Variants in DPP10 observed in about 807,000 individuals in gnomAD.
DPP10 encodes the protein dipeptidyl peptidase like 10.
In DPP10, 33 loss-of-function variants were observed where a neutral mutation model predicts 120.9. The observed-to-expected ratio is 0.27, with a 90% confidence interval of 0.21 to 0.37. The LOEUF (loss-of-function observed/expected upper bound fraction) is 0.37, where lower values mean the gene tolerates loss of function less well. Ranked by LOEUF, DPP10 falls within the 10% of genes least tolerant of loss-of-function variation. The pLI is 1.00. For synonymous variants in DPP10, 337 were observed against 326.1 expected (o/e 1.03, Z -0.36); for missense variants, 816 against 942.8 (o/e 0.87, Z 1.76).
chr2:114,743,837 A>G (rs1364863986), intron 1 of DPP10, among the ~76,000 whole-genome samples: 1 of 152,140 alleles, frequency 6.6e-6, no homozygotes, highest in East Asian at 1.9e-4. Flanking sequence ...GGTATGTCCT[A>G]TAAATAAGAT....
At position 115,279,769 on chromosome 2, in the gene DPP10, CT is replaced by C. The variant is rs937606950; in HGVS notation, c.61-29468del. ...TTCTGCCTCCTTGCTTTAAGCGATT[CT>C]TATGTCTCAGCCTCCCAAGTAGCTG... On this transcript the variant is annotated intron_variant, in intron 1 of 25. Coordinates refer to ENST00000410059, the MANE Select transcript of DPP10 (RefSeq NM_020868.6). 1.0e-4 allele frequency among the ~76,000 whole-genome samples: 13 copies of C among 129,330 alleles called. No homozygotes were observed. In the East Asian group the frequency reaches 3.4e-3, roughly 34 times the overall value. 84.8% of individuals were successfully genotyped at this position (129,330 alleles called of 152,430 possible). A position where few individuals can be genotyped will look rare whatever the true frequency, so the allele number is the denominator to read the frequency against.
chr2:114,608,606 G>C (rs1167274221), intron 1 of DPP10, among the ~76,000 whole-genome samples: 1 of 151,832 alleles, frequency 6.6e-6, no homozygotes, highest in Non-Finnish European at 1.5e-5. Context: ...ACACTCATAT[G>C]TTCATCACAG....
At chr2:115,072,751 A>C (rs973552729) in intron 1 of DPP10, among the ~76,000 whole-genome samples, 1 of 152,188 alleles carries the variant, frequency 6.6e-6, no homozygotes, top group Non-Finnish European at 1.5e-5. Context: ...ATTTATTAAT[A>C]TTGAATGAAA....
intron 5 of DPP10, among the ~76,000 whole-genome samples, chr2:115,682,888 T>G (rs901611689): frequency 6.6e-6 from 1 of 151,868 alleles, no homozygotes; most frequent in African/African-American, 2.4e-5. Flanking sequence ...AATTATAAAA[T>G]TGCTGACACA....
At chr2:115,421,642 G>T (rs1444634388) in intron 3 of DPP10, among the ~76,000 whole-genome samples, 1 of 151,978 alleles carries the variant, frequency 6.6e-6, no homozygotes. Flanking sequence ...AGAAGCCGAG[G>T]CAGGCGGATC....
chr2:114,594,508 TAC>T (rs1469823786), intron 1 of DPP10, among the ~76,000 whole-genome samples: 6 of 147,774 alleles, frequency 4.1e-5, no homozygotes, highest in East Asian at 3.9e-4. Flanking sequence ...ATATTATATA[TAC>T]ACACACATAT....
At chr2:114,638,422 C>G (rs994555411) in intron 1 of DPP10, among the ~76,000 whole-genome samples, 2 of 151,558 alleles carry the variant, frequency 1.3e-5, no homozygotes, top group Admixed American at 1.3e-4. Flanking sequence ...CTATAAGAAA[C>G]GTAGGCAAAA....
chr2:115,820,981 C>G (rs1687761084), intron 21 of DPP10, among the ~76,000 whole-genome samples: 1 of 151,944 alleles, frequency 6.6e-6, no homozygotes, highest in South Asian at 2.1e-4. Flanking sequence ...GGGTAGATAC[C>G]CAATAGTGGG....
At chr2:114,692,146 G>T (rs374565240) in intron 1 of DPP10, among the ~76,000 whole-genome samples, 4 of 151,976 alleles carry the variant, frequency 2.6e-5, no homozygotes, top group African/African-American at 4.8e-5. Flanking sequence ...GTTTGCTCTT[G>T]CTTCTCTAGT....
At chr2:115,080,259 C>A (rs781079418) in intron 1 of DPP10, among the ~76,000 whole-genome samples, 4 of 152,182 alleles carry the variant, frequency 2.6e-5, no homozygotes, top group Non-Finnish European at 4.4e-5. Context: ...CTTAAGTGAT[C>A]AGCCCACCTT....
chr2:114,870,440 T>A lies in DPP10; in HGVS notation c.60+427602T>A, dbSNP rs537658572. On this transcript the variant is annotated intron_variant, in intron 1 of 25. Coordinates refer to ENST00000410059, the MANE Select transcript of DPP10 (RefSeq NM_020868.6). ...GTATTGAGTATGGAAGGAGAATGTG[T>A]AGTGTAAAAAAAAAATCCTCCATTT... Among the ~76,000 whole-genome samples the A allele has an allele frequency of 3.1e-4, 39 of 125,292 alleles. 1 individual carries two copies. The East Asian group carries it at 8.2e-3, about 26-fold the overall frequency. 82.2% of individuals were successfully genotyped at this position (125,292 alleles called of 152,430 possible). A position where few individuals can be genotyped will look rare whatever the true frequency, so the allele number is the denominator to read the frequency against.
intron 2 of DPP10, among the ~76,000 whole-genome samples, chr2:115,328,666 A>T (rs1310344719): frequency 6.6e-6 from 1 of 151,722 alleles, no homozygotes; most frequent in Non-Finnish European, 1.5e-5. Context: ...ATAAAATTCT[A>T]TACAAAGAAT....
chr2:115,480,116 T>A (rs528711298), intron 3 of DPP10, among the ~76,000 whole-genome samples: 2 of 152,220 alleles, frequency 1.3e-5, no homozygotes, highest in East Asian at 3.9e-4. Flanking sequence ...GGGCAGCTAT[T>A]AAAATTTTCA....
chr2:115,354,650 C>T (rs757167582), intron 3 of DPP10, among the ~76,000 whole-genome samples: 9 of 151,452 alleles, frequency 5.9e-5, no homozygotes, highest in Non-Finnish European at 1.3e-4. Context: ...TATACATGTG[C>T]CATGGTGGTT....
At chr2:115,137,116 AGAG>A (rs1054893114) in intron 1 of DPP10, among the ~76,000 whole-genome samples, 1 of 152,156 alleles carries the variant, frequency 6.6e-6, no homozygotes, top group Non-Finnish European at 1.5e-5. Context: ...GTTGGTGGGA[AGAG>A]GAGGTCATCT....
chr2:114,837,276 A>G (rs944170624), intron 1 of DPP10, among the ~76,000 whole-genome samples: 2 of 152,184 alleles, frequency 1.3e-5, no homozygotes, highest in East Asian at 1.9e-4. Context: ...GAACTAATAA[A>G]TGTACATGAA....
intron 1 of DPP10, among the ~76,000 whole-genome samples, chr2:114,702,249 G>T (rs997232901): frequency 1.3e-5 from 2 of 152,094 alleles, no homozygotes; most frequent in African/African-American, 4.8e-5. Context: ...CTTCAACCAG[G>T]GGGGCATGGT....
intron 5 of DPP10, among the ~76,000 whole-genome samples, chr2:115,668,651 G>T (rs183363626): frequency 6.6e-6 from 1 of 152,068 alleles, no homozygotes; most frequent in Non-Finnish European, 1.5e-5. Flanking sequence ...TATGTTTAAA[G>T]GGTGGGCTGG....
intron 1 of DPP10, among the ~76,000 whole-genome samples, chr2:114,864,610 A>G (rs1690076831): frequency 6.6e-6 from 1 of 152,196 alleles, no homozygotes; most frequent in Non-Finnish European, 1.5e-5. Context: ...AGAGTCAGGA[A>G]GCATAAAGCC....
Sources: gnomAD v4.1 joint callset for allele counts (sites outside exome capture counted in the v4.1 genomes callset) on GRCh38, gnomAD v4.1.1 for gene constraint, MANE v1.5 for transcripts, NCBI Gene and HGNC (gene_info 2026-07-23, HGNC 2026-07-21) for gene names.